The following BANP variants were observed in gnomAD, a reference collection of about 807,000 sequenced individuals.
The protein encoded by BANP is protein BANP.
BANP carries 11 observed loss-of-function variants against 68.1 expected under a neutral mutation model. The observed-to-expected ratio is 0.16, with a 90% CI of 0.10 to 0.27. The LOEUF (loss-of-function observed/expected upper bound fraction) is 0.27, where lower values mean the gene tolerates loss of function less well. Among genes scored for constraint, BANP ranks in the 10% least tolerant of loss-of-function variants. BANP has a pLI of 1.00. For missense variants in BANP, 504 were observed against 722.7 expected (o/e 0.70, Z 3.47); for synonymous variants, 329 against 303.2 (o/e 1.09, Z -0.88).
chr16:87,963,500 C>G (rs185179826), intron 1 of BANP: 5 of 152,242 alleles, frequency 3.3e-5, no homozygotes, highest in Admixed American at 1.3e-4. Context: ...GTGATTCACA[C>G]CACGTCAGAG....
chr16:87,975,872 C>T (rs1412805086), intron 2 of BANP, among the ~76,000 whole-genome samples: 1 of 140,638 alleles, frequency 7.1e-6, no homozygotes, highest in Non-Finnish European at 1.6e-5. Context: ...TGGAACCTTA[C>T]CATGTGGTGT....
At chr16:88,015,053 C>G (rs2074164715) in intron 6 of BANP, among the ~76,000 whole-genome samples, 1 of 150,664 alleles carries the variant, frequency 6.6e-6, no homozygotes, top group African/African-American at 2.4e-5. Context: ...GGCCGTGCCC[C>G]CTCAGCTCAT....
rs1168318430 is a variant in BANP at position 88,076,800 on chromosome 16, G to A, written c.*139G>A. 4 of 686,454 alleles carry A rather than the reference G, an allele frequency of 5.8e-6. No homozygotes were observed. The highest frequency in any genetic ancestry group is 1.8e-5 in the African/African-American group (1 of 54,884). The allele number at this position is 686,454 out of a possible 1,614,324, so 42.5% of individuals were successfully genotyped here. On this transcript the variant is annotated 3_prime_UTR_variant, in exon 14 of 14. Coordinates refer to ENST00000682872, the MANE Select transcript of BANP (RefSeq NM_001386991.1). ...GCGTCTGAAGGCCGCTGCCTCCGCG[G>A]GGAACAGCATCCTATCAACTGAAAG...
chr16:88,065,019 G>A (rs574080802), intron 11 of BANP, among the ~76,000 whole-genome samples: 13 of 152,234 alleles, frequency 8.5e-5, no homozygotes, highest in South Asian at 2.1e-4. Context: ...CTGCCAGCCC[G>A]CCCTGAAGGC....
At chr16:88,034,510 TGTCTAAATA>T (rs2078885027) in intron 9 of BANP, among the ~76,000 whole-genome samples, 1 of 152,198 alleles carries the variant, frequency 6.6e-6, no homozygotes, top group South Asian at 2.1e-4. Flanking sequence ...TTACTGAAAC[TGTCTAAATA>T]GTCATATGAG....
chr16:87,982,163 G>A (rs1171756435), intron 3 of BANP, among the ~76,000 whole-genome samples: 1 of 152,200 alleles, frequency 6.6e-6, no homozygotes, highest in Non-Finnish European at 1.5e-5. Context: ...ATAAAACGCA[G>A]CTCTGATTTT....
rs1224490443 is a variant in BANP at position 88,018,039 on chromosome 16, G to A, written c.656-389G>A. On this transcript the variant is annotated intron_variant, in intron 6 of 13. Transcript: ENST00000682872. The surrounding 1 kb of genome is among the most constrained non-coding windows in gnomAD (Gnocchi z 7.7). ...GTGGGAGAGCATGGCTGGCAGTGAG[G>A]TGTGAGGGACCCCGGGGAGGGTTCC... 6.6e-6 allele frequency among the ~76,000 whole-genome samples: 1 copy of A among 152,182 alleles called. No individual in the cohort carries two copies. The highest frequency in any genetic ancestry group is 1.5e-5 in the Non-Finnish European group (1 of 68,028).
rs191527918 is a variant in BANP, at chr16:87,979,143, G to C, written c.71-1893G>C. 6.6e-5 allele frequency among the ~76,000 whole-genome samples: 10 copies of C among 152,280 alleles called. No homozygotes were observed. The East Asian group carries it at 1.7e-3, about 26-fold the overall frequency. On this transcript the variant is annotated intron_variant, in intron 2 of 13. Transcript: ENST00000682872. ...TCAGAGTTTTGAGAGGAATCATCTAGTGTGTACAGGCTTAAAGGCATGGAC... is the reference window on the plus strand; with the variant it reads ...TCAGAGTTTTGAGAGGAATCATCTACTGTGTACAGGCTTAAAGGCATGGAC...
rs549851410 is a variant in BANP, at chr16:87,998,783, C to T, written c.363-5512C>T. 2.0e-3 allele frequency among the ~76,000 whole-genome samples: 275 copies of T among 140,252 alleles called. 1 individual carries two copies. Among genetic ancestry groups the T allele is most frequent in the African/African-American group, 7.0e-3 (260 of 37,148 alleles). 92.0% of individuals were successfully genotyped at this position (140,252 alleles called of 152,430 possible). A position where few individuals can be genotyped will look rare whatever the true frequency, so the allele number is the denominator to read the frequency against. On this transcript the variant is annotated intron_variant, in intron 4 of 13. Transcript: ENST00000682872. ...ACCCAGACACGTCTCCATGCACGCA[C>T]GTGCGCGGCTGTACTTACCTGTCCT...
chr16:88,076,487 G>T, intron 13 of BANP, 103 bp from the exon 14 acceptor site: 8 of 989,760 alleles, frequency 8.1e-6, no homozygotes, highest in Non-Finnish European at 1.2e-5. Flanking sequence ...TCCTGTGTGC[G>T]TGTTTCTCAT....
intron 1 of BANP, among the ~76,000 whole-genome samples, chr16:87,974,758 C>G (rs2061709741): frequency 6.6e-6 from 1 of 152,054 alleles, no homozygotes; most frequent in South Asian, 2.1e-4. Context: ...GTTTCCAAGC[C>G]AGTGTTGGGA....
chr16:88,006,035 C>T (rs1294339596), intron 5 of BANP, 55 bp from the exon 6 acceptor site: 5 of 1,610,526 alleles, frequency 3.1e-6, no homozygotes, highest in Admixed American at 1.7e-5. Flanking sequence ...CTGACCTTCG[C>T]GTGCTGCTTG....
intron 4 of BANP, among the ~76,000 whole-genome samples, chr16:87,986,839 T>C (rs1567670182): frequency 6.6e-6 from 1 of 152,160 alleles, no homozygotes; most frequent in Non-Finnish European, 1.5e-5. Flanking sequence ...TTAACCCAGA[T>C]GTGTGAGATC....
chr16:88,010,521 A>G (rs567719141), intron 6 of BANP, among the ~76,000 whole-genome samples: 3 of 152,246 alleles, frequency 2.0e-5, no homozygotes, highest in Non-Finnish European at 4.4e-5. Flanking sequence ...GCCATCCTGC[A>G]GCTGCTACTG....
chr16:88,042,766 A>G (rs373714807), intron 11 of BANP, among the ~76,000 whole-genome samples: 1 of 149,840 alleles, frequency 6.7e-6, no homozygotes, highest in Non-Finnish European at 1.5e-5. Flanking sequence ...GAAAAAAAAA[A>G]TTAGCCACGT....
At chr16:88,024,823 G>A (rs2076675241) in intron 7 of BANP, among the ~76,000 whole-genome samples, 1 of 152,232 alleles carries the variant, frequency 6.6e-6, no homozygotes, top group Admixed American at 6.5e-5. Context: ...GTAACCAGAT[G>A]AATATATATT....
At chr16:88,038,041 G>T in intron 11 of BANP, 30 bp downstream of exon 11, 1 of 1,610,922 alleles carries the variant, frequency 6.2e-7, no homozygotes, top group South Asian at 1.1e-5. Flanking sequence ...TGCACATGCG[G>T]GCGTTGCGCT....
intron 6 of BANP, among the ~76,000 whole-genome samples, chr16:88,014,675 C>T (rs1056521076): frequency 6.6e-6 from 1 of 151,934 alleles, no homozygotes; most frequent in Non-Finnish European, 1.5e-5. Context: ...GCCCACCGTC[C>T]CCACACCATC....
intron 11 of BANP, among the ~76,000 whole-genome samples, chr16:88,053,631 C>G (rs2152836254): frequency 1.3e-5 from 2 of 149,402 alleles, no homozygotes; most frequent in Middle Eastern, 7.0e-3. Context: ...CCACCTCCTT[C>G]ACTATCATCA....
Sources: allele counts gnomAD v4.1 joint callset (sites outside exome capture counted in the v4.1 genomes callset), GRCh38; gene constraint gnomAD v4.1.1; non-coding constraint Gnocchi (gnomAD v3.1); transcripts MANE v1.5; gene names NCBI Gene and HGNC (gene_info 2026-07-23, HGNC 2026-07-21).